The following SAMD11 variants were observed in gnomAD, a reference collection of about 807,000 sequenced individuals.
SAMD11 encodes the protein sterile alpha motif domain-containing protein 11.
In SAMD11, 77 loss-of-function variants were observed where a neutral mutation model predicts 64.4. The ratio of observed to expected loss-of-function variants is 1.20; its 90% CI spans 0.99 to 1.44. The LOEUF (loss-of-function observed/expected upper bound fraction) is 1.44. SAMD11 is among the 40% of genes most tolerant of loss of function. The pLI is 0.00. For synonymous variants in SAMD11, 658 were observed against 421.9 expected, an observed-to-expected ratio of 1.56 and a Z score of -6.86; for missense variants, 1,402 against 943.3, an observed-to-expected ratio of 1.49 and a Z score of -6.37.
Position 942,904 on chromosome 1 carries a change from C to T in SAMD11, c.1899C>T (p.Asp633=), listed in dbSNP as rs1200507750. 1.3e-6 allele frequency: 2 copies of T among 1,555,810 alleles called. No individual in the cohort carries two copies. The highest frequency in any genetic ancestry group is 1.2e-5 in the South Asian group (1 of 84,600). Residue 633 remains aspartate (D), a synonymous_variant, in exon 11 of 14, where the codon GAC becomes GAT. Coordinates refer to ENST00000616016, the MANE Select transcript of SAMD11 (RefSeq NM_001385641.1). Reference sequence around the variant, plus strand: ...AAGACGAGCCCCCCAAAGACTCGGACGGAGAGGACCCCGAGACGGCAGCTG... The same window carrying T: ...AAGACGAGCCCCCCAAAGACTCGGATGGAGAGGACCCCGAGACGGCAGCTG... The part of the protein sequence containing the change: ...GSEDEPPKDS[D]GEDPETAAVG...
rs150064100 is a variant in SAMD11 at position 944,059 on chromosome 1, G to A, written c.2441G>A (p.Gly814Asp). The change falls in exon 14 of 14, where the codon GGC becomes GAC. Residue 814 changes from glycine to aspartate, a missense_variant. Transcript: ENST00000616016. ...ACGGCCACGTCCCCCTATGGAGGGG[G>A]CCACGCCCTTGCCGGTCAAACTTCA... The part of the protein sequence containing the change: ...PTTATSPYGG[G>D]HALAGQTSPK... 1.3e-5 allele frequency: 21 copies of A among 1,612,750 alleles called. No individual in the cohort carries two copies. In the Admixed American group the frequency reaches 1.5e-4, roughly 12 times the overall value.
chr1:944,289 A>G lies in SAMD11; in HGVS notation c.*136A>G, dbSNP rs571936168. On this transcript the variant is annotated 3_prime_UTR_variant, in exon 14 of 14. Transcript: ENST00000616016. ...AATTTTAAAAGAAAATGTGACTTCA[A>G]AGGAAAGGAACAAATTTTCAAAGAC... The G allele has an allele frequency of 5.6e-6, 8 of 1,421,036 alleles. No homozygotes were observed. The highest frequency in any genetic ancestry group is 2.6e-5 in the East Asian group (1 of 38,104). 88.0% of individuals were successfully genotyped at this position (1,421,036 alleles called of 1,614,324 possible).
rs776272554 is a variant in SAMD11 at position 942,989 on chromosome 1, A to C, written c.1984A>C (p.Lys662Gln). The change falls in exon 11 of 14, where the codon AAG (lysine) becomes CAG (glutamine). Residue 662 changes from lysine to glutamine, a missense_variant. By Grantham distance (53) the Lys-to-Gln change is moderately conservative. Coordinates refer to ENST00000616016, the MANE Select transcript of SAMD11 (RefSeq NM_001385641.1). ...APAGGAGAEGKGLFPGSTLPL... is the reference protein window; with the variant it reads ...APAGGAGAEGQGLFPGSTLPL... The stretch of plus-strand genomic sequence containing the variant: ...AGCTGGAGGGGCCGGCGCCGAGGGG[A>C]AGGGGCTTTTCCCAGGGTCCACACT... 2.0e-6 allele frequency: 3 copies of C among 1,537,808 alleles called. No individual in the cohort carries two copies. Among genetic ancestry groups the C allele is most frequent in the African/African-American group, 2.8e-5 (2 of 71,760 alleles).
intron 2 of SAMD11, among the ~76,000 whole-genome samples, chr1:928,396 A>C (rs35485427): frequency 0.13 from 19,905 of 152,140 alleles, 3,357 homozygotes; most frequent in African/African-American, 0.39. Context: ...CGTCTCAAAA[A>C]ACTAAAAAAG....
rs1281871209 is a variant in SAMD11, at chr1:939,027, T to A, written c.968-13T>A. ...CCTTGAGATGCAGGTGGGCACTCAC[T>A]ACCCTCCCGCAGGTGACCTGTTGGG... On this transcript the variant is annotated splice_polypyrimidine_tract_variant and intron_variant, in intron 5 of 13. Coordinates refer to ENST00000616016, the MANE Select transcript of SAMD11 (RefSeq NM_001385641.1). 6.3e-7 allele frequency: 1 copy of A among 1,586,710 alleles called. No individual in the cohort carries two copies. Among genetic ancestry groups the A allele is most frequent in the East Asian group, 2.3e-5 (1 of 43,964 alleles).
intron 4 of SAMD11, among the ~76,000 whole-genome samples, chr1:932,407 C>G (rs541669051): frequency 1.3e-5 from 2 of 152,176 alleles, no homozygotes; most frequent in Admixed American, 6.5e-5. Context: ...CCATCCTGCA[C>G]GGGCCCTAGA....
chr1:939,319 G>A lies in SAMD11; in HGVS notation c.1102G>A (p.Glu368Lys), dbSNP rs1641623490. 6.2e-7 allele frequency: 1 copy of A among 1,611,688 alleles called. No individual in the cohort carries two copies. The highest frequency in any genetic ancestry group is 8.5e-7 in the Non-Finnish European group (1 of 1,179,542). The change falls in exon 7 of 14, where the codon GAG becomes AAG. Residue 368 changes from glutamate to lysine, a missense_variant. Physicochemically the swap from Glu to Lys is moderately conservative, Grantham distance 56 (BLOSUM62 1). Coordinates refer to ENST00000616016, the MANE Select transcript of SAMD11 (RefSeq NM_001385641.1). ...GGAGCTGGGGCCCAGCATGGCCCCGGAGGACCATTACCGCCGGCTTGTGTC... is the reference window on the plus strand; with the variant it reads ...GGAGCTGGGGCCCAGCATGGCCCCGAAGGACCATTACCGCCGGCTTGTGTC... ...PRELGPSMAPEDHYRRLVSAL... is the reference protein window; with the variant it reads ...PRELGPSMAPKDHYRRLVSAL...
At chr1:937,713 G>A (rs368548650) in intron 5 of SAMD11, among the ~76,000 whole-genome samples, 51 of 152,284 alleles carry the variant, frequency 3.3e-4, no homozygotes, top group South Asian at 2.1e-3. Context: ...GCCGCCCGCC[G>A]GGCCCAGCCA....
intron 4 of SAMD11, among the ~76,000 whole-genome samples, chr1:933,965 CCGTTACAGGTGGGCAGGGGAGGCGGCTG>C (rs1557603476): frequency 6.6e-6 from 1 of 151,154 alleles, no homozygotes; most frequent in African/African-American, 2.5e-5. Flanking sequence ...CAGGACTGCT[CCGTTACAGGTGGGCAGGGGAGGCGGCTG>C]CGTTACAGGT....
Position 942,411 on chromosome 1 carries a change from C to T in SAMD11, c.1476C>T (p.Gly492=), listed in dbSNP as rs1226464767. Residue 492 remains glycine, a splice_region_variant and synonymous_variant, in exon 10 of 14, where the codon GGC becomes GGT. Coordinates refer to ENST00000616016, the MANE Select transcript of SAMD11 (RefSeq NM_001385641.1). The part of the protein sequence containing the change: ...GVPSALCQTP[G]YGFLPPAQAE... The stretch of plus-strand genomic sequence containing the variant: ...CCGCGTTGTCCCCCTCCCCACCAGG[C>T]TACGGCTTCCTGCCCCCCGCGCAGG... The T allele has an allele frequency of 4.1e-6, 6 of 1,476,672 alleles. No homozygotes were observed. Among genetic ancestry groups the T allele is most frequent in the South Asian group, 3.9e-5 (3 of 77,374 alleles). 91.5% of individuals were successfully genotyped at this position (1,476,672 alleles called of 1,614,324 possible). A position where few individuals can be genotyped will look rare whatever the true frequency, so the allele number is the denominator to read the frequency against.
chr1:941,114 G>A, intron 7 of SAMD11, 30 bp from the exon 8 acceptor site: 1 of 1,566,618 alleles, frequency 6.4e-7, no homozygotes, highest in Non-Finnish European at 8.7e-7. Flanking sequence ...CGCATAGCCG[G>A]GGGGATCACT....
At chr1:941,456 T>C in intron 8 of SAMD11, 150 bp downstream of exon 8, 1 of 816,660 alleles carries the variant, frequency 1.2e-6, no homozygotes, top group South Asian at 1.9e-5. Flanking sequence ...GTGACACCGA[T>C]CTGGGCTGCA....
chr1:943,804 C>T lies in SAMD11; in HGVS notation c.2285C>T (p.Ala762Val), dbSNP rs145171215. ...LKLGPALKIRAQVARRLGRVF... is the reference protein window; with the variant it reads ...LKLGPALKIRVQVARRLGRVF... The stretch of plus-strand genomic sequence containing the variant: ...CTGGGGCCCGCCCTCAAGATCCGGG[C>T]CCAGGTGAGACGCTGGGGAGTGAGG... The change falls in exon 13 of 14, where the codon GCC becomes GTC. Residue 762 changes from alanine to valine, a missense_variant. Ala to Val is a moderately conservative substitution (Grantham distance 64). Transcript: ENST00000616016. 3.0e-5 allele frequency: 48 copies of T among 1,612,732 alleles called. No homozygotes were observed. Among genetic ancestry groups the T allele is most frequent in the Non-Finnish European group, 3.9e-5 (46 of 1,179,986 alleles).
chr1:943,250 C>T lies in SAMD11; in HGVS notation c.2054-3C>T, dbSNP rs751656603. The T allele has an allele frequency of 5.6e-5, 90 of 1,612,758 alleles. No homozygotes were observed. Among genetic ancestry groups the T allele is most frequent in the Non-Finnish European group, 6.1e-5 (72 of 1,179,852 alleles). Reference sequence around the variant, plus strand: ...AGCCCTAGTAACACGCCCCACAACTCAGGCGCGGTAGGGGGACTCTCCATG... The same window carrying T: ...AGCCCTAGTAACACGCCCCACAACTTAGGCGCGGTAGGGGGACTCTCCATG... On this transcript the variant is annotated splice_region_variant and splice_polypyrimidine_tract_variant and intron_variant, in intron 11 of 13. Coordinates refer to ENST00000616016, the MANE Select transcript of SAMD11 (RefSeq NM_001385641.1).
At chr1:941,358 C>T (rs1236324065) in intron 8 of SAMD11, 52 bp downstream of exon 8, 2 of 1,451,192 alleles carry the variant, frequency 1.4e-6, no homozygotes, top group South Asian at 1.4e-5. Context: ...CGCCCGCACC[C>T]CCGCGCTCTC....
intron 2 of SAMD11, among the ~76,000 whole-genome samples, chr1:929,206 C>T (rs951892112): frequency 2.0e-5 from 3 of 152,212 alleles, no homozygotes; most frequent in African/African-American, 7.2e-5. Context: ...CGGGCACGTC[C>T]GCCGCGTGTG....
Position 924,563 on chromosome 1 carries a change from C to G in SAMD11, c.132C>G (p.Ala44=), listed in dbSNP as rs1311502439. Residue 44 remains alanine, a synonymous_variant, in exon 1 of 14, where the codon GCC becomes GCG. Transcript: ENST00000616016. ...PGYLAPLPAA[A]ALPPAASLPA... is the part of the protein sequence containing the mutation. ...ACCTGGCGCCACTGCCCGCGGCGGC[C>G]GCCCTCCCCCCGGCCGCCTCGCTGC... 1 of 150,716 alleles carries G rather than the reference C, an allele frequency of 6.6e-6. No individual in the cohort carries two copies. Among genetic ancestry groups the G allele is most frequent in the African/African-American group, 2.4e-5 (1 of 41,118 alleles). The allele number at this position is 150,716 out of a possible 1,614,324, so 9.3% of individuals were successfully genotyped here.
intron 4 of SAMD11, among the ~76,000 whole-genome samples, chr1:932,283 C>T (rs148132814): frequency 0.011 from 1,691 of 152,328 alleles, 11 homozygotes; most frequent in Non-Finnish European, 0.017. Flanking sequence ...GCTCCAGTAA[C>T]GGCTCCTCCT....
chr1:940,757 C>T (rs1031621808), intron 7 of SAMD11, among the ~76,000 whole-genome samples: 5 of 152,168 alleles, frequency 3.3e-5, no homozygotes, highest in African/African-American at 1.2e-4. Flanking sequence ...GATTTTCTTG[C>T]CTCCCACCGA....
Sources: allele counts gnomAD v4.1 joint callset (sites outside exome capture counted in the v4.1 genomes callset), GRCh38; gene constraint gnomAD v4.1.1; transcripts MANE v1.5; gene names NCBI Gene and HGNC (gene_info 2026-07-23, HGNC 2026-07-21).